EXOC6B: variants seen among roughly 807,000 people sequenced by gnomAD.
The protein encoded by EXOC6B is exocyst complex component 6B.
EXOC6B carries 54 observed loss-of-function variants against 113.5 expected under a neutral mutation model. The observed-to-expected ratio is 0.48, with a 90% CI of 0.38 to 0.60. The LOEUF is 0.60. Ranked by LOEUF, EXOC6B falls within the 20% of genes least tolerant of loss-of-function variation. The pLI is 0.00. For synonymous variants in EXOC6B, 357 were observed against 339.0 expected (o/e 1.05, Z -0.58); for missense variants, 797 against 977.5 (o/e 0.82, Z 2.46).
At chr2:72,658,946 A>G (rs987867753) in intron 6 of EXOC6B, among the ~76,000 whole-genome samples, 1 of 152,096 alleles carries the variant, frequency 6.6e-6, no homozygotes, top group Non-Finnish European at 1.5e-5. Flanking sequence ...CACGAAATAT[A>G]GTACATTTCT....
At chr2:72,319,304 T>G (rs1344203130) in intron 20 of EXOC6B, among the ~76,000 whole-genome samples, 3 of 152,032 alleles carry the variant, frequency 2.0e-5, no homozygotes, top group Non-Finnish European at 4.4e-5. Flanking sequence ...TATTTAATGG[T>G]AAAAGACTGA....
At position 72,177,969 on chromosome 2, in the gene EXOC6B, C is replaced by G. The variant is rs41415; in HGVS notation, c.*1366G>C. The G allele has an allele frequency of 6.6e-6, 1 of 152,090 alleles. No homozygotes were observed. 9.4% of individuals were successfully genotyped at this position (152,090 alleles called of 1,614,324 possible). A position where few individuals can be genotyped will look rare whatever the true frequency, so the allele number is the denominator to read the frequency against. ...GACTGACCTCATAGCAAAGCCCTTGCGTTAAGTCTCAGGAGTCCATCTGGG... is the reference window on the plus strand; with the variant it reads ...GACTGACCTCATAGCAAAGCCCTTGGGTTAAGTCTCAGGAGTCCATCTGGG... On this transcript the variant is annotated 3_prime_UTR_variant, in exon 22 of 22. Transcript: ENST00000272427.
intron 6 of EXOC6B, among the ~76,000 whole-genome samples, chr2:72,657,567 C>CTTTTTTTTTTTTTTTTTTTTTTTTT (rs70963136): frequency 6.0e-5 from 3 of 50,358 alleles, no homozygotes; most frequent in Non-Finnish European, 9.6e-5. Context: ...CTTTCCTTTT[C>CTTTTTTTTTTTTTTTTTTTTTTTTT]TTTTTTTTTT....
chr2:72,784,937 C>T (rs370552671), intron 1 of EXOC6B, among the ~76,000 whole-genome samples: 3 of 152,304 alleles, frequency 2.0e-5, no homozygotes, highest in South Asian at 4.1e-4. Context: ...CAACACCCTC[C>T]CACCTATGAG....
At chr2:72,263,936 G>GCC (rs1475100295) in intron 20 of EXOC6B, among the ~76,000 whole-genome samples, 11 of 152,238 alleles carry the variant, frequency 7.2e-5, no homozygotes, top group South Asian at 2.1e-4. Flanking sequence ...CAGCCAGCCA[G>GCC]ACAGGCAGGC....
At chr2:72,406,192 G>A (rs942763414) in intron 18 of EXOC6B, among the ~76,000 whole-genome samples, 1 of 152,162 alleles carries the variant, frequency 6.6e-6, no homozygotes, top group Non-Finnish European at 1.5e-5. Flanking sequence ...GGAGCACCCA[G>A]ATTCATAAAG....
At position 72,741,393 on chromosome 2, in the gene EXOC6B, T is replaced by C; in HGVS notation, c.190A>G (p.Ile64Val). 6.2e-7 allele frequency: 1 copy of C among 1,613,804 alleles called. No individual in the cohort carries two copies. Residue 64 changes from isoleucine to valine, a missense_variant, in exon 2 of 22, where the codon ATT (isoleucine) becomes GTT (valine). Transcript: ENST00000272427. Reference protein sequence around the residue: ...ETRIRNHDREIEKMCNFHYQG... With the variant: ...ETRIRNHDREVEKMCNFHYQG... ...TAATGAAAGTTGCACATTTTCTCAATTTCTCGGTCGTGATTACGGATACGA... is the reference window on the plus strand; with the variant it reads ...TAATGAAAGTTGCACATTTTCTCAACTTCTCGGTCGTGATTACGGATACGA...
At chr2:72,471,635 C>T (rs1017639007) in intron 17 of EXOC6B, among the ~76,000 whole-genome samples, 2 of 152,100 alleles carry the variant, frequency 1.3e-5, no homozygotes, top group Middle Eastern at 3.4e-3. Flanking sequence ...AATGAAAGAT[C>T]GTATCATCAG....
At position 72,271,390 on chromosome 2, in the gene EXOC6B, G is replaced by C. The variant is rs577680939; in HGVS notation, c.2196+63557C>G. Among the ~76,000 whole-genome samples the C allele has an allele frequency of 1.4e-4, 21 of 152,218 alleles. No individual in the cohort carries two copies. In the South Asian group the frequency reaches 4.1e-3, roughly 30 times the overall value. ...CCTACATTAAGCAGTATCTCTTGAGGAGGAGGCCTTGAGAGTCAAAGTCTG... is the reference window on the plus strand; with the variant it reads ...CCTACATTAAGCAGTATCTCTTGAGCAGGAGGCCTTGAGAGTCAAAGTCTG... On this transcript the variant is annotated intron_variant, in intron 20 of 21. Coordinates refer to ENST00000272427, the MANE Select transcript of EXOC6B (RefSeq NM_015189.3).
At chr2:72,741,120 G>C (rs566527385) in intron 2 of EXOC6B, among the ~76,000 whole-genome samples, 184 bp downstream of exon 2, 4 of 151,864 alleles carry the variant, frequency 2.6e-5, no homozygotes, top group African/African-American at 4.8e-5. Context: ...AAAAGGGGGG[G>C]TGGGTATTGT....
At chr2:72,763,917 C>CA (rs1272936390) in intron 1 of EXOC6B, among the ~76,000 whole-genome samples, 11 of 149,294 alleles carry the variant, frequency 7.4e-5, no homozygotes, top group Non-Finnish European at 1.6e-4. Flanking sequence ...CTTGTCTCTA[C>CA]AAAAAATACA....
intron 6 of EXOC6B, among the ~76,000 whole-genome samples, chr2:72,705,879 C>T (rs1417598647): frequency 6.6e-6 from 1 of 152,154 alleles, no homozygotes; most frequent in Non-Finnish European, 1.5e-5. Context: ...GTGCCTCATT[C>T]CCAATCACTG....
intron 19 of EXOC6B, among the ~76,000 whole-genome samples, chr2:72,346,397 A>T (rs1689341497): frequency 6.6e-6 from 1 of 152,208 alleles, no homozygotes; most frequent in East Asian, 1.9e-4. Flanking sequence ...AATGTTAATG[A>T]CAACATACAT....
chr2:72,540,181 A>G (rs1573354642), intron 8 of EXOC6B, among the ~76,000 whole-genome samples: 1 of 151,904 alleles, frequency 6.6e-6, no homozygotes, highest in African/African-American at 2.4e-5. Flanking sequence ...AACTTTTCTT[A>G]ATCCAGTCTA....
At chr2:72,482,155 T>C (rs754949234) in intron 16 of EXOC6B, among the ~76,000 whole-genome samples, 1 of 152,138 alleles carries the variant, frequency 6.6e-6, no homozygotes, top group Admixed American at 6.5e-5. Context: ...TGCTGCATGA[T>C]TGTGTACATT....
chr2:72,462,043 A>G (rs1697717825), intron 18 of EXOC6B: 1 of 152,080 alleles, frequency 6.6e-6, no homozygotes, highest in African/African-American at 2.4e-5. Context: ...TTTACTTGAT[A>G]CTCACTGCAA....
intron 5 of EXOC6B, among the ~76,000 whole-genome samples, chr2:72,723,219 C>T (rs1202521756): frequency 6.6e-6 from 1 of 152,144 alleles, no homozygotes; most frequent in African/African-American, 2.4e-5. Context: ...AAGGCAAATT[C>T]CTAAGTTTCA....
chr2:72,646,875 C>T (rs1042613875), intron 6 of EXOC6B, among the ~76,000 whole-genome samples: 4 of 152,160 alleles, frequency 2.6e-5, no homozygotes, highest in African/African-American at 9.7e-5. Context: ...GAAGCATTCC[C>T]TTTGAAAACT....
Position 72,405,741 on chromosome 2 carries a change from C to G in EXOC6B, c.1981-25871G>C, listed in dbSNP as rs1312622963. 2.0e-5 allele frequency among the ~76,000 whole-genome samples: 3 copies of G among 152,308 alleles called. No homozygotes were observed. In the East Asian group the frequency reaches 5.8e-4, roughly 29 times the overall value. On this transcript the variant is annotated intron_variant, in intron 18 of 21. Coordinates refer to ENST00000272427, the MANE Select transcript of EXOC6B (RefSeq NM_015189.3). Reference sequence around the variant, plus strand: ...AAGGAACAACCAGTACCAGCCACTGCAAAAACATGCCAAATTGTAAAGACC... The same window carrying G: ...AAGGAACAACCAGTACCAGCCACTGGAAAAACATGCCAAATTGTAAAGACC...
Sources: gnomAD v4.1 joint callset for allele counts (sites outside exome capture counted in the v4.1 genomes callset) on GRCh38, gnomAD v4.1.1 for gene constraint, MANE v1.5 for transcripts, NCBI Gene and HGNC (gene_info 2026-07-23, HGNC 2026-07-21) for gene names.